Variants in OPA1 observed in about 807,000 individuals in gnomAD.
The protein encoded by OPA1 is dynamin-like GTPase OPA1, mitochondrial.
In OPA1, 59 loss-of-function variants were observed where a neutral mutation model predicts 152.9. That is an observed-to-expected ratio of 0.39 (90% CI 0.31 to 0.48). OPA1 has a LOEUF of 0.48. Among genes scored for constraint, OPA1 ranks in the 20% least tolerant of loss-of-function variants. The pLI is 0.96. For synonymous variants in OPA1, 400 were observed against 389.9 expected (o/e 1.03, Z -0.31); for missense variants, 1,008 against 1,216.8 (o/e 0.83, Z 2.55).
intron 25 of OPA1, among the ~76,000 whole-genome samples, chr3:193,660,016 C>T (rs569086264): frequency 1.1e-4 from 16 of 152,056 alleles, no homozygotes; most frequent in South Asian, 2.1e-4. Context: ...GGTGTGGTGG[C>T]GCATACCTGT....
chr3:193,657,043 G>A lies in OPA1; in HGVS notation c.2179-37G>A, dbSNP rs556754883. ...TTCATGTTAACCATTGAAGTATGTA[G>A]TAATAATATGGCTTTTTTTCTTTCA... On this transcript the variant is annotated intron_variant, in intron 22 of 30. Transcript: ENST00000361510. 17 of 1,575,094 alleles carry A rather than the reference G, an allele frequency of 1.1e-5. No homozygotes were observed. In the Admixed American group the frequency reaches 2.7e-4, roughly 25 times the overall value.
chr3:193,662,825 G>A lies in OPA1; in HGVS notation c.2524G>A (p.Val842Ile). 6.2e-7 allele frequency: 1 copy of A among 1,612,838 alleles called. No homozygotes were observed. Among genetic ancestry groups the A allele is most frequent in the South Asian group, 1.1e-5 (1 of 91,018 alleles). Residue 842 changes from valine (V) to isoleucine (I), a missense_variant, in exon 26 of 31, where the codon GTT becomes ATT. By Grantham distance (29) the Val-to-Ile change is conservative. This residue lies in a region of OPA1 where 229 missense variants were observed against 269.0 expected (regional missense o/e 0.85). Coordinates refer to ENST00000361510, the MANE Select transcript of OPA1 (RefSeq NM_130837.3). The stretch of plus-strand genomic sequence containing the variant: ...TCCTTTTTTAAACATTTTAAAGTGT[G>A]TTCACAATGAAACCAAGAATGAATT... ...YWKNRTQEQC[V>I]HNETKNELEK...
chr3:193,618,793 C>A, intron 5 of OPA1, 76 bp from the exon 6 acceptor site: 1 of 1,151,928 alleles, frequency 8.7e-7, no homozygotes, highest in Non-Finnish European at 1.3e-6. Context: ...TTTTCATTGA[C>A]TCGATGTAAT....
intron 25 of OPA1, 86 bp from the exon 26 acceptor site, chr3:193,662,736 G>A (rs1715590046): frequency 1.9e-6 from 2 of 1,056,786 alleles, no homozygotes; most frequent in East Asian, 2.6e-5. Context: ...TTATGCAATA[G>A]TAATGTATTT....
In OPA1 at chr3:193,638,070, G is replaced by A; in HGVS notation, c.1149+5G>A. On this transcript the variant is annotated splice_donor_5th_base_variant and intron_variant, in intron 11 of 30. Coordinates refer to ENST00000361510, the MANE Select transcript of OPA1 (RefSeq NM_130837.3). ...ATGACACGTTCTCCAGTTAAGGTAAGAACATAGGCCGTCTCAGTGAGGTTC... is the reference window on the plus strand; with the variant it reads ...ATGACACGTTCTCCAGTTAAGGTAAAAACATAGGCCGTCTCAGTGAGGTTC... The A allele has an allele frequency of 6.2e-7, 1 of 1,604,822 alleles. No individual in the cohort carries two copies. The highest frequency in any genetic ancestry group is 1.7e-4 in the Middle Eastern group (1 of 6,030).
chr3:193,644,981 C>G (rs888571266), intron 16 of OPA1, among the ~76,000 whole-genome samples: 1 of 150,546 alleles, frequency 6.6e-6, no homozygotes, highest in Admixed American at 6.6e-5. Flanking sequence ...ATGCATTTTT[C>G]TGGGTACATA....
At chr3:193,616,173 G>T (rs970085849) in intron 3 of OPA1, among the ~76,000 whole-genome samples, 1 of 151,994 alleles carries the variant, frequency 6.6e-6, no homozygotes, top group African/African-American at 2.4e-5. Context: ...CACCATGCCC[G>T]ACTGATTTTT....
intron 11 of OPA1, among the ~76,000 whole-genome samples, chr3:193,641,411 C>G (rs1733765974): frequency 1.3e-5 from 2 of 151,848 alleles, no homozygotes; most frequent in South Asian, 4.2e-4. Context: ...TGCTTGGTTT[C>G]CTAAAATGTG....
intron 6 of OPA1, among the ~76,000 whole-genome samples, chr3:193,622,226 C>CTTTTTTTTTTTTTTTTTTTTTTTTTT (rs758993120): frequency 9.3e-6 from 1 of 107,916 alleles, no homozygotes; most frequent in Non-Finnish European, 1.7e-5. Context: ...TACTCTCATT[C>CTTTTTTTTTTTTTTTTTTTTTTTTTT]TTTTTTTTTT....
intron 13 of OPA1, 144 bp from the exon 14 acceptor site, chr3:193,643,229 G>T (rs1233018103): frequency 1.2e-6 from 1 of 866,896 alleles, no homozygotes; most frequent in African/African-American, 1.7e-5. Flanking sequence ...TTACTTTTAG[G>T]ATCAGAGAAA....
intron 22 of OPA1, 135 bp downstream of exon 22, chr3:193,655,162 C>T: frequency 1.2e-6 from 1 of 814,086 alleles, no homozygotes; most frequent in Non-Finnish European, 1.9e-6. Flanking sequence ...CTTTATTCCT[C>T]ATCTCTGTTT....
intron 29 of OPA1, among the ~76,000 whole-genome samples, chr3:193,669,184 T>TTACA (rs1717363218): frequency 6.6e-6 from 1 of 152,220 alleles, no homozygotes; most frequent in Admixed American, 6.5e-5. Flanking sequence ...CTCTTCTGTG[T>TTACA]TACACCCTGT....
intron 24 of OPA1, among the ~76,000 whole-genome samples, 155 bp from the exon 25 acceptor site, chr3:193,659,327 T>C (rs989787907): frequency 6.6e-6 from 1 of 152,230 alleles, no homozygotes; most frequent in Non-Finnish European, 1.5e-5. Flanking sequence ...CTCTTACACA[T>C]GTGCCATATC....
chr3:193,692,259 T>G, intron 30 of OPA1, 127 bp downstream of exon 30: 1 of 652,820 alleles, frequency 1.5e-6, no homozygotes, highest in Non-Finnish European at 2.8e-6. Context: ...ATGGCATGAA[T>G]CTCTGAAACT....
Position 193,657,154 on chromosome 3 carries a change from A to G in OPA1, c.2253A>G (p.Ile751Met), listed in dbSNP as rs1714052195. ...TEPKGKEHDD[I>M]FDKLKEAVKE... ...CGAAAGGGAAAGAGCATGATGACAT[A>G]TTTGATAAACTTAAAGAGGCTGTTA... The change falls in exon 23 of 31, where the codon ATA becomes ATG. Residue 751 changes from isoleucine to methionine, a missense_variant. Ile to Met is a conservative substitution (Grantham distance 10, BLOSUM62 1). Coordinates refer to ENST00000361510, the MANE Select transcript of OPA1 (RefSeq NM_130837.3). 1.2e-6 allele frequency: 2 copies of G among 1,613,954 alleles called. No individual in the cohort carries two copies. The highest frequency in any genetic ancestry group is 4.5e-5 in the East Asian group (2 of 44,838).
chr3:193,620,192 C>A (rs1459954051), intron 6 of OPA1, among the ~76,000 whole-genome samples: 1 of 152,116 alleles, frequency 6.6e-6, no homozygotes, highest in Non-Finnish European at 1.5e-5. Flanking sequence ...GGAGAAGGAG[C>A]CTTTGTTACA....
At chr3:193,654,803 C>T (rs1303713500) in intron 21 of OPA1, 59 bp from the exon 22 acceptor site, 1 of 1,531,402 alleles carries the variant, frequency 6.5e-7, no homozygotes, top group African/African-American at 1.4e-5. Context: ...TTCAGTCAAG[C>T]TGTTTTTAAA....
At chr3:193,614,553 T>A in intron 1 of OPA1, among the ~76,000 whole-genome samples, 170 bp from the exon 2 acceptor site, 1 of 152,248 alleles carries the variant, frequency 6.6e-6, no homozygotes, top group Middle Eastern at 3.2e-3. Flanking sequence ...TAGCACATAC[T>A]GTAACCATGT....
At chr3:193,595,011 T>C (rs1290173604) in intron 1 of OPA1, among the ~76,000 whole-genome samples, 1 of 152,222 alleles carries the variant, frequency 6.6e-6, no homozygotes, top group Non-Finnish European at 1.5e-5. Flanking sequence ...CAAACTGATT[T>C]ATAAGTGGTA....
Sources: allele counts gnomAD v4.1 joint callset (sites outside exome capture counted in the v4.1 genomes callset), GRCh38; gene constraint gnomAD v4.1.1; regional missense constraint gnomAD v4.1.1; transcripts MANE v1.5; gene names NCBI Gene and HGNC (gene_info 2026-07-23, HGNC 2026-07-21).